The following MLLT10 variants were observed in gnomAD, a reference collection of about 807,000 sequenced individuals.
The protein encoded by MLLT10 is protein AF-10.
A neutral mutation model predicts 129.1 loss-of-function variants in MLLT10; 30 were observed. The ratio of observed to expected loss-of-function variants is 0.23; its 90% CI spans 0.17 to 0.32. The LOEUF (loss-of-function observed/expected upper bound fraction) is 0.32, where lower values mean the gene tolerates loss of function less well. Among genes scored for constraint, MLLT10 ranks in the 10% least tolerant of loss-of-function variants. The pLI is 1.00. For synonymous variants in MLLT10, 490 were observed against 446.4 expected (o/e 1.10, Z -1.23); for missense variants, 1,119 against 1,268.3 (o/e 0.88, Z 1.79).
chr10:21,574,567 C>T (rs1564437667), intron 3 of MLLT10, among the ~76,000 whole-genome samples: 3 of 152,130 alleles, frequency 2.0e-5, no homozygotes, highest in Non-Finnish European at 4.4e-5. Context: ...GAGAGCAGTG[C>T]CATGGCTGCT....
chr10:21,575,039 C>G (rs1255800790), intron 3 of MLLT10, among the ~76,000 whole-genome samples: 2 of 152,132 alleles, frequency 1.3e-5, no homozygotes, highest in Non-Finnish European at 2.9e-5. Flanking sequence ...AGGCCTCTGA[C>G]AAAAGGACCA....
chr10:21,708,639 T>C (rs1323597372), intron 13 of MLLT10: 13 of 985,218 alleles, frequency 1.3e-5, no homozygotes, highest in Non-Finnish European at 1.4e-5. Context: ...ATTGCACATT[T>C]AGCTGCGTAA....
intron 8 of MLLT10, among the ~76,000 whole-genome samples, chr10:21,643,972 C>G (rs901640884): frequency 6.6e-5 from 10 of 152,106 alleles, no homozygotes; most frequent in Non-Finnish European, 1.2e-4. Flanking sequence ...TTATTTCAAG[C>G]CTTTCTTTTA....
chr10:21,656,714 C>T (rs992526662), intron 9 of MLLT10, among the ~76,000 whole-genome samples: 3 of 152,028 alleles, frequency 2.0e-5, no homozygotes, highest in Non-Finnish European at 2.9e-5. Flanking sequence ...TTAAATATTG[C>T]AACTATAATT....
rs557994043 is a variant in MLLT10 at position 21,642,367 on chromosome 10, G to A, written c.700-9306G>A. The stretch of plus-strand genomic sequence containing the variant: ...AACTCCGTTTAAAAAACAAAAATAC[G>A]AAGAAGTAGCCGGGCGCGGTGGCTC... On this transcript the variant is annotated intron_variant, in intron 8 of 22. Coordinates refer to ENST00000307729, the MANE Select transcript of MLLT10 (RefSeq NM_001195626.3). Among the ~76,000 whole-genome samples, 7 of 140,822 alleles carry A rather than the reference G, an allele frequency of 5.0e-5. No individual in the cohort carries two copies. The South Asian group carries it at 9.2e-4, about 19-fold the overall frequency. 92.4% of individuals were successfully genotyped at this position (140,822 alleles called of 152,430 possible). A position where few individuals can be genotyped will look rare whatever the true frequency, so the allele number is the denominator to read the frequency against.
chr10:21,719,945 A>G (rs545689451), intron 14 of MLLT10, among the ~76,000 whole-genome samples: 1 of 152,334 alleles, frequency 6.6e-6, no homozygotes, highest in South Asian at 2.1e-4. Flanking sequence ...TTTAGCCAGT[A>G]TATATATTCA....
intron 13 of MLLT10, among the ~76,000 whole-genome samples, chr10:21,689,939 G>A (rs1253871261): frequency 6.6e-6 from 1 of 151,872 alleles, no homozygotes; most frequent in Non-Finnish European, 1.5e-5. Context: ...CTGATGAGAT[G>A]TGTATTACCC....
intron 8 of MLLT10, among the ~76,000 whole-genome samples, chr10:21,650,004 A>G (rs1161554946): frequency 6.6e-6 from 1 of 152,086 alleles, no homozygotes; most frequent in East Asian, 1.9e-4. Flanking sequence ...TAGAAGCATC[A>G]TTGGGTGGGA....
intron 5 of MLLT10, among the ~76,000 whole-genome samples, chr10:21,601,949 C>T (rs375491531): frequency 6.6e-6 from 1 of 152,042 alleles, no homozygotes; most frequent in African/African-American, 2.4e-5. Context: ...GGAGATTTTA[C>T]AAAAACTGAT....
Position 21,554,711 on chromosome 10 carries a change from C to T in MLLT10, c.240+15799C>T, listed in dbSNP as rs1252488909. 1.1e-4 allele frequency among the ~76,000 whole-genome samples: 17 copies of T among 151,570 alleles called. 1 individual carries two copies. Among genetic ancestry groups the T allele is most frequent in the African/African-American group, 2.4e-4 (10 of 41,258 alleles). On this transcript the variant is annotated intron_variant, in intron 3 of 22. Transcript: ENST00000307729. ...TCCTGACCTCGTGATCTGCCCGCCT[C>T]GGCCTCCCAAAGTGCTGGGACTACA... is the stretch of plus-strand genomic sequence containing the variant.
chr10:21,581,663 G>A (rs1023458301), intron 3 of MLLT10, among the ~76,000 whole-genome samples: 3 of 152,074 alleles, frequency 2.0e-5, no homozygotes, highest in East Asian at 1.9e-4. Context: ...ATTCTCTTGC[G>A]GTCTGATGGT....
chr10:21,721,679 T>C (rs1381005678), intron 14 of MLLT10, among the ~76,000 whole-genome samples: 1 of 152,182 alleles, frequency 6.6e-6, no homozygotes, highest in Non-Finnish European at 1.5e-5. Flanking sequence ...AAGTTTCTTT[T>C]ATTTGTTTTG....
chr10:21,630,626 G>A (rs1012467869), intron 8 of MLLT10, among the ~76,000 whole-genome samples: 1 of 152,182 alleles, frequency 6.6e-6, no homozygotes, highest in African/African-American at 2.4e-5. Flanking sequence ...CTTGCCCCAG[G>A]TCACCCTGTC....
intron 4 of MLLT10, among the ~76,000 whole-genome samples, chr10:21,591,392 C>A (rs1443283278): frequency 6.6e-6 from 1 of 152,112 alleles, no homozygotes; most frequent in Non-Finnish European, 1.5e-5. Flanking sequence ...TTCCAGTTTC[C>A]CTTGTGACTT....
At chr10:21,577,706 G>A (rs539338820) in intron 3 of MLLT10, among the ~76,000 whole-genome samples, 2 of 151,954 alleles carry the variant, frequency 1.3e-5, no homozygotes, top group East Asian at 3.9e-4. Flanking sequence ...CCTGACCTCA[G>A]GTTATCCGCC....
chr10:21,676,417 C>CAAAAAAAAAAAAAAAAAA, intron 11 of MLLT10, among the ~76,000 whole-genome samples: 1 of 129,618 alleles, frequency 7.7e-6, no homozygotes, highest in Middle Eastern at 5.2e-3. Flanking sequence ...GACTCCGTCT[C>CAAAAAAAAAAAAAAAAAA]AAAAAAAAAA....
intron 3 of MLLT10, among the ~76,000 whole-genome samples, chr10:21,576,579 T>C (rs1589034389): frequency 6.6e-6 from 1 of 151,816 alleles, no homozygotes; most frequent in Non-Finnish European, 1.5e-5. Flanking sequence ...TCACTTAAAG[T>C]GTGTTTCTTA....
intron 13 of MLLT10, among the ~76,000 whole-genome samples, chr10:21,690,285 T>C (rs2053728510): frequency 6.6e-6 from 1 of 151,834 alleles, no homozygotes; most frequent in Admixed American, 6.6e-5. Flanking sequence ...TGTAGAAAAA[T>C]TAAGTTTGAA....
intron 11 of MLLT10, among the ~76,000 whole-genome samples, chr10:21,679,703 A>G (rs947697219): frequency 1.5e-4 from 23 of 152,204 alleles, no homozygotes; most frequent in African/African-American, 5.5e-4. Context: ...AGTAACCTTT[A>G]TTAAAAATTC....
Sources: allele counts gnomAD v4.1 joint callset (sites outside exome capture counted in the v4.1 genomes callset), GRCh38; gene constraint gnomAD v4.1.1; transcripts MANE v1.5; gene names NCBI Gene and HGNC (gene_info 2026-07-23, HGNC 2026-07-21).